The following LIPA variants were observed in gnomAD, a reference collection of about 807,000 sequenced individuals.
The protein encoded by LIPA is lysosomal acid lipase/cholesteryl ester hydrolase.
In LIPA, 26 loss-of-function variants were observed where a neutral mutation model predicts 40.6. The observed-to-expected ratio is 0.64, with a 90% confidence interval of 0.47 to 0.89. The LOEUF is 0.89. Among genes scored for constraint, LIPA ranks in the 40% least tolerant of loss-of-function variants. The pLI, the probability that LIPA is intolerant of heterozygous loss-of-function variation, is 0.00. For missense variants in LIPA, 455 were observed against 479.6 expected, an observed-to-expected ratio of 0.95 and a Z score of 0.48; for synonymous variants, 188 against 168.4, an observed-to-expected ratio of 1.12 and a Z score of -0.90.
intron 2 of LIPA, among the ~76,000 whole-genome samples, chr10:89,408,680 T>C (rs1841444912): frequency 6.6e-6 from 1 of 152,184 alleles, no homozygotes; most frequent in African/African-American, 2.4e-5. Flanking sequence ...TCCTGATAGG[T>C]ACACAGATGT....
chr10:89,294,795 T>C (rs918722346), intron 1 of LIPA, among the ~76,000 whole-genome samples: 5 of 151,942 alleles, frequency 3.3e-5, no homozygotes, highest in African/African-American at 1.2e-4. Context: ...GGAAACATAG[T>C]GAGACCCTAT....
intron 5 of LIPA, 145 bp downstream of exon 5, chr10:89,226,750 T>C: frequency 1.6e-6 from 1 of 636,074 alleles, no homozygotes; most frequent in Non-Finnish European, 2.8e-6. Flanking sequence ...GTTACCAACA[T>C]TCCTTATCTT....
At chr10:89,300,502 C>A (rs1843438515) in intron 1 of LIPA, among the ~76,000 whole-genome samples, 1 of 152,080 alleles carries the variant, frequency 6.6e-6, no homozygotes, top group South Asian at 2.1e-4. Flanking sequence ...ACATTCTTTG[C>A]ACGTAACAAA....
intron 1 of LIPA, among the ~76,000 whole-genome samples, chr10:89,266,800 C>T (rs1391343888): frequency 6.6e-6 from 1 of 152,234 alleles, no homozygotes; most frequent in Non-Finnish European, 1.5e-5. Context: ...TGTTCTGTGA[C>T]TTAATGTCTG....
chr10:89,362,712 A>G, intron 2 of LIPA: 1 of 714,124 alleles, frequency 1.4e-6, no homozygotes, highest in Non-Finnish European at 2.2e-6. Flanking sequence ...CCGCTATAGA[A>G]TGGAGTGTCC....
At chr10:89,359,796 CTA>C (rs1394902024) in intron 2 of LIPA, among the ~76,000 whole-genome samples, 14 of 148,816 alleles carry the variant, frequency 9.4e-5, no homozygotes, top group African/African-American at 3.5e-4. Flanking sequence ...CCCTCTCTAT[CTA>C]TCTCTCTCTC....
intron 2 of LIPA, among the ~76,000 whole-genome samples, chr10:89,389,238 G>GA (rs1354545091): frequency 6.6e-6 from 1 of 152,126 alleles, no homozygotes; most frequent in African/African-American, 2.4e-5. Context: ...AAAACGTGAG[G>GA]AAAATCAAAG....
At chr10:89,228,156 A>G in intron 4 of LIPA, 44 bp downstream of exon 4, 2 of 1,529,170 alleles carry the variant, frequency 1.3e-6, no homozygotes, top group East Asian at 2.2e-5. Context: ...CTGCTTTAAG[A>G]GTACTAAGGA....
intron 2 of LIPA, chr10:89,403,857 T>G (rs1844484687): frequency 3.4e-6 from 2 of 590,276 alleles, no homozygotes; most frequent in South Asian, 2.4e-5. Flanking sequence ...AAATATTAGT[T>G]GTGTTCAACA....
In LIPA at chr10:89,225,113, T is replaced by C. The variant is rs773232583; in HGVS notation, c.654A>G (p.Arg218=). ...GTACCTTAATGAGATGATCTGGTAA[T>C]CGTCCTAATTTGGCCATAGGGCTAG... is the stretch of plus-strand genomic sequence containing the variant. ...FCTSPMAKLG[R]LPDHLIKDLF... is the part of the protein sequence containing the mutation. The change falls in exon 6 of 10, where the codon CGA becomes CGG. Residue 218 remains arginine, a synonymous_variant. Coordinates refer to ENST00000336233, the MANE Select transcript of LIPA (RefSeq NM_000235.4). 19 of 1,614,006 alleles carry C rather than the reference T, an allele frequency of 1.2e-5. No individual in the cohort carries two copies. The African/African-American group carries it at 2.5e-4, about 22-fold the overall frequency.
intron 6 of LIPA, 41 bp from the exon 7 acceptor site, chr10:89,223,871 A>T (rs751460671): frequency 1.9e-5 from 30 of 1,604,628 alleles, no homozygotes; most frequent in Non-Finnish European, 2.3e-5. Context: ...TCAGCATTTC[A>T]CTCTGGTGCA....
intron 1 of LIPA, among the ~76,000 whole-genome samples, chr10:89,275,086 CT>C (rs1843283218): frequency 6.6e-6 from 1 of 152,196 alleles, no homozygotes; most frequent in Non-Finnish European, 1.5e-5. Flanking sequence ...CTAGGCTGAA[CT>C]GTGTTTCCCA....
intron 1 of LIPA, among the ~76,000 whole-genome samples, chr10:89,413,476 GGC>G (rs1841494114): frequency 6.6e-6 from 1 of 152,140 alleles, no homozygotes. Context: ...CAAGCATAGT[GGC>G]TCATGCCTGT....
At chr10:89,245,095 T>C (rs2133463011) in intron 3 of LIPA, among the ~76,000 whole-genome samples, 1 of 152,328 alleles carries the variant, frequency 6.6e-6, no homozygotes, top group South Asian at 2.1e-4. Flanking sequence ...ATGTATTGTA[T>C]GGAAAGATCT....
chr10:89,390,044 T>A (rs1023898704), intron 2 of LIPA, among the ~76,000 whole-genome samples: 1 of 136,578 alleles, frequency 7.3e-6, no homozygotes, highest in African/African-American at 2.8e-5. Context: ...TGCAATGAAA[T>A]GGCACGATCT....
chr10:89,336,631 G>C (rs1362960085), intron 1 of LIPA, among the ~76,000 whole-genome samples: 1 of 152,202 alleles, frequency 6.6e-6, no homozygotes, highest in Non-Finnish European at 1.5e-5. Context: ...TGTTTATTCT[G>C]AGATTACTTT....
chr10:89,400,797 T>C (rs1297404650), intron 2 of LIPA, among the ~76,000 whole-genome samples: 4 of 152,168 alleles, frequency 2.6e-5, no homozygotes, highest in Admixed American at 1.3e-4. Flanking sequence ...TCCAGTACCA[T>C]GTTGAATAGA....
Position 89,326,922 on chromosome 10 carries a change from A to G in LIPA, c.-2+15689T>C, listed in dbSNP as rs1446886912. Among the ~76,000 whole-genome samples, 5 of 152,296 alleles carry G rather than the reference A, an allele frequency of 3.3e-5. No individual in the cohort carries two copies. The East Asian group carries it at 5.8e-4, about 18-fold the overall frequency. On this transcript the variant is annotated intron_variant, in intron 1 of 5. Transcript: ENST00000282673. ...TCCTGAGAACATGTGCCAGGCCACA[A>G]CTTGGTTTTATACATTTTAGGGAGA...
chr10:89,306,064 CA>C, intron 1 of LIPA: 1 of 1,614,064 alleles, frequency 6.2e-7, no homozygotes. Context: ...ATTTTGAAGA[CA>C]AAGTATTTTA....
Sources: gnomAD v4.1 joint callset for allele counts (sites outside exome capture counted in the v4.1 genomes callset) on GRCh38, gnomAD v4.1.1 for gene constraint, MANE v1.5 for transcripts, NCBI Gene and HGNC (gene_info 2026-07-23, HGNC 2026-07-21) for gene names.